PSTPIP2: variants seen among roughly 807,000 people sequenced by gnomAD.
PSTPIP2 encodes the protein proline-serine-threonine phosphatase interacting protein 2.
In PSTPIP2, 33 loss-of-function variants were observed where a neutral mutation model predicts 63.3. The observed-to-expected ratio is 0.52, with a 90% CI of 0.40 to 0.70. PSTPIP2 has a LOEUF of 0.70. Ranked by LOEUF, PSTPIP2 falls within the 30% of genes least tolerant of loss-of-function variation. The probability of loss-of-function intolerance (pLI) is 0.00; values close to 1 mark genes in which losing one functional copy is unlikely to be tolerated. For synonymous variants in PSTPIP2, 125 were observed against 132.7 expected, an observed-to-expected ratio of 0.94 and a Z score of 0.40; for missense variants, 312 against 400.7, an observed-to-expected ratio of 0.78 and a Z score of 1.89.
At chr18:46,018,001 C>T (rs1472373352) in intron 3 of PSTPIP2, among the ~76,000 whole-genome samples, 1 of 152,084 alleles carries the variant, frequency 6.6e-6, no homozygotes, top group African/African-American at 2.4e-5. Context: ...ATCTCATCTA[C>T]TGAATTTTTA....
chr18:46,034,628 T>C (rs989679114), intron 2 of PSTPIP2, among the ~76,000 whole-genome samples: 1 of 152,192 alleles, frequency 6.6e-6, no homozygotes. Flanking sequence ...ACCCACTATA[T>C]ATTGTGTACC....
intron 2 of PSTPIP2, among the ~76,000 whole-genome samples, chr18:46,032,538 G>A (rs1474113562): frequency 6.6e-6 from 1 of 151,988 alleles, no homozygotes; most frequent in African/African-American, 2.4e-5. Context: ...CAGATCACCT[G>A]AGGTCAAGAG....
chr18:46,034,621 C>T (rs937961172), intron 2 of PSTPIP2, among the ~76,000 whole-genome samples: 2 of 152,102 alleles, frequency 1.3e-5, no homozygotes, highest in South Asian at 2.1e-4. Flanking sequence ...ACCATTTACC[C>T]ACTATATATT....
intron 4 of PSTPIP2, among the ~76,000 whole-genome samples, chr18:46,012,609 TA>T (rs1261786383): frequency 6.6e-6 from 1 of 152,044 alleles, no homozygotes; most frequent in Non-Finnish European, 1.5e-5. Context: ...CCGTCTCTAC[TA>T]AAAATACAAA....
chr18:46,037,046 T>C (rs1220966683), intron 2 of PSTPIP2, among the ~76,000 whole-genome samples: 2 of 152,244 alleles, frequency 1.3e-5, no homozygotes, highest in Non-Finnish European at 2.9e-5. Flanking sequence ...AAATAATTAT[T>C]ACATACAATA....
At chr18:46,004,275 A>G (rs1221773159) in intron 6 of PSTPIP2, among the ~76,000 whole-genome samples, 2 of 152,206 alleles carry the variant, frequency 1.3e-5, no homozygotes, top group Non-Finnish European at 2.9e-5. Flanking sequence ...ATATGCTATC[A>G]ACACTGGTGA....
At chr18:46,042,772 T>C (rs771412057) in intron 1 of PSTPIP2, among the ~76,000 whole-genome samples, 5 of 152,154 alleles carry the variant, frequency 3.3e-5, no homozygotes, top group African/African-American at 4.8e-5. Context: ...GATGTCTTGG[T>C]GCATCGTGCA....
chr18:46,017,763 G>C (rs1175134063), intron 3 of PSTPIP2, among the ~76,000 whole-genome samples: 8 of 152,000 alleles, frequency 5.3e-5, no homozygotes, highest in African/African-American at 1.9e-4. Context: ...TACACTTTTT[G>C]TGATGAGAAC....
rs1392317092 is a variant in PSTPIP2, at chr18:46,011,301, T to G, written c.248-14A>C. On this transcript the variant is annotated splice_polypyrimidine_tract_variant and intron_variant, in intron 4 of 14. Transcript: ENST00000409746. Reference sequence around the variant, plus strand: ...CATTGTCTACTTCTGCAAAAAAGAATTAAAAAAAAAATCAAGGTCTACATA... The same window carrying G: ...CATTGTCTACTTCTGCAAAAAAGAAGTAAAAAAAAAATCAAGGTCTACATA... 6.3e-7 allele frequency: 1 copy of G among 1,587,764 alleles called. No individual in the cohort carries two copies. The highest frequency in any genetic ancestry group is 1.4e-5 in the African/African-American group (1 of 73,622).
chr18:45,998,758 G>A (rs777444890), intron 8 of PSTPIP2, 36 bp downstream of exon 8: 2 of 1,605,848 alleles, frequency 1.2e-6, no homozygotes, highest in South Asian at 2.2e-5. Flanking sequence ...AACCCCACCA[G>A]CAACCCTCCC....
At chr18:46,029,525 G>A (rs566011910) in intron 2 of PSTPIP2, 40 of 826,016 alleles carry the variant, frequency 4.8e-5, no homozygotes, top group Non-Finnish European at 7.8e-5. Context: ...ACAGTTGCTT[G>A]TGGTTCTAAT....
rs640971 is a variant in PSTPIP2 at position 46,007,592 on chromosome 18, C to T, written c.355-2061G>A. ...CTACACAGAGCAGATCAGTTAGCAA[C>T]GTTGGTCTATTCCAAAGTCTTTTCT... On this transcript the variant is annotated intron_variant, in intron 5 of 14. Transcript: ENST00000409746. Among the ~76,000 whole-genome samples the T allele has an allele frequency of 5.3e-3, 809 of 152,340 alleles. 7 individuals carry two copies. Among genetic ancestry groups the T allele is most frequent in the Middle Eastern group, 0.014 (4 of 294 alleles).
At chr18:45,999,349 G>A (rs952625578) in intron 7 of PSTPIP2, 87 bp downstream of exon 7, 38 of 1,254,764 alleles carry the variant, frequency 3.0e-5, no homozygotes, top group Non-Finnish European at 4.3e-5. Context: ...TTAGGATACA[G>A]GTTCATTTCT....
chr18:46,034,730 G>A lies in PSTPIP2; in HGVS notation c.134+5217C>T, dbSNP rs531748408. 6.8e-4 allele frequency among the ~76,000 whole-genome samples: 103 copies of A among 152,240 alleles called. 1 individual carries two copies. The highest frequency in any genetic ancestry group is 2.4e-3 in the African/African-American group (98 of 41,534). On this transcript the variant is annotated intron_variant, in intron 2 of 14. Coordinates refer to ENST00000409746, the MANE Select transcript of PSTPIP2 (RefSeq NM_024430.4). Reference sequence around the variant, plus strand: ...AAACCGTATCTACCGCTTATTAGCTGTCTGAACTTAGGCAAGTTCCATAGC... The same window carrying A: ...AAACCGTATCTACCGCTTATTAGCTATCTGAACTTAGGCAAGTTCCATAGC...
At chr18:46,026,547 T>C (rs1907586561) in intron 2 of PSTPIP2, among the ~76,000 whole-genome samples, 1 of 152,212 alleles carries the variant, frequency 6.6e-6, no homozygotes, top group Admixed American at 6.5e-5. Context: ...ATTAAAATGA[T>C]ACATGCTCAT....
At chr18:45,996,205 G>C (rs913222457) in intron 9 of PSTPIP2, among the ~76,000 whole-genome samples, 1 of 152,170 alleles carries the variant, frequency 6.6e-6, no homozygotes, top group Non-Finnish European at 1.5e-5. Context: ...CAAGAAGGTG[G>C]GGAAAGGCAA....
chr18:45,986,996 G>C (rs7244810), intron 14 of PSTPIP2, among the ~76,000 whole-genome samples: 37,453 of 151,938 alleles, frequency 0.25, 6,755 homozygotes, highest in African/African-American at 0.49. Flanking sequence ...TGCCACCATG[G>C]CTGGCTACTT....
chr18:46,049,008 A>ATGTG (rs59638072), intron 1 of PSTPIP2, among the ~76,000 whole-genome samples: 4,957 of 136,286 alleles, frequency 0.036, 80 homozygotes, highest in African/African-American at 0.041. Context: ...GAAAAAAAGC[A>ATGTG]TGTGTGTGTG....
intron 1 of PSTPIP2, among the ~76,000 whole-genome samples, chr18:46,063,173 T>A (rs905037743): frequency 1.3e-5 from 2 of 152,100 alleles, no homozygotes; most frequent in South Asian, 2.1e-4. Flanking sequence ...TTGCTAATTT[T>A]AAAATTTTTT....
Sources: allele counts gnomAD v4.1 joint callset (sites outside exome capture counted in the v4.1 genomes callset), GRCh38; gene constraint gnomAD v4.1.1; transcripts MANE v1.5; gene names NCBI Gene and HGNC (gene_info 2026-07-23, HGNC 2026-07-21).